TNFSF8: variants seen among roughly 807,000 people sequenced by gnomAD.
TNFSF8 encodes the protein TNF superfamily member 8, also known as tumor necrosis factor ligand superfamily member 8.
Under a neutral mutation model 22.0 loss-of-function variants are expected in TNFSF8, and 4 were observed. The observed-to-expected ratio is 0.18, with a 90% CI of 0.09 to 0.42. The LOEUF is 0.42. Ranked by LOEUF, TNFSF8 falls within the 10% of genes least tolerant of loss-of-function variation. The pLI is 1.00. For missense variants in TNFSF8, 233 were observed against 281.8 expected (o/e 0.83, Z 1.24); for synonymous variants, 106 against 112.5 (o/e 0.94, Z 0.37).
chr9:114,925,333 C>T (rs991057047), intron 1 of TNFSF8, among the ~76,000 whole-genome samples: 2 of 152,188 alleles, frequency 1.3e-5, no homozygotes, highest in African/African-American at 4.8e-5. Flanking sequence ...TGGCCTCCAC[C>T]TGGCAGCCTT....
downstream of TNFSF8, among the ~76,000 whole-genome samples, chr9:114,899,296 A>G (rs1827689892): frequency 6.6e-6 from 1 of 151,766 alleles, no homozygotes; most frequent in Non-Finnish European, 1.5e-5. Context: ...GTGGGTTGTG[A>G]CTTAAGAGAG....
chr9:114,920,191 C>T (rs906201826), intron 1 of TNFSF8, among the ~76,000 whole-genome samples: 1 of 152,204 alleles, frequency 6.6e-6, no homozygotes, highest in African/African-American at 2.4e-5. Flanking sequence ...CAACTTACTG[C>T]CAAGCGTGAC....
intron 4 of TNFSF8, among the ~76,000 whole-genome samples, chr9:114,895,379 C>T (rs1827646236): frequency 2.0e-5 from 3 of 152,176 alleles, no homozygotes; most frequent in African/African-American, 7.2e-5. Context: ...TACTGCATCT[C>T]GCAAACAGTC....
chr9:114,906,051 C>T, intron 2 of TNFSF8, 152 bp from the exon 3 acceptor site: 1 of 564,566 alleles, frequency 1.8e-6, no homozygotes, highest in Non-Finnish European at 3.1e-6. Context: ...TCTCATTTTG[C>T]CATCAGGTAT....
At position 114,929,670 on chromosome 9, in the gene TNFSF8, A is replaced by G. The variant is rs545536558; in HGVS notation, c.195+439T>C. On this transcript the variant is annotated intron_variant, in intron 1 of 3. Transcript: ENST00000223795. ...TGATAACAACTTGTGCAAATGTGTT[A>G]TCAGGTTTCTCTATTGCTTCCTTCC... is the stretch of plus-strand genomic sequence containing the variant. Among the ~76,000 whole-genome samples, 3 of 152,182 alleles carry G rather than the reference A, an allele frequency of 2.0e-5. No homozygotes were observed. In the South Asian group the frequency reaches 6.2e-4, roughly 32 times the overall value.
chr9:114,916,063 A>G (rs1337939934), intron 2 of TNFSF8, among the ~76,000 whole-genome samples: 1 of 152,254 alleles, frequency 6.6e-6, no homozygotes, highest in Non-Finnish European at 1.5e-5. Flanking sequence ...TCAGAGACCA[A>G]TATGAAGTGG....
At chr9:114,922,364 G>T (rs574899832) in intron 1 of TNFSF8, among the ~76,000 whole-genome samples, 78 of 152,226 alleles carry the variant, frequency 5.1e-4, no homozygotes, top group South Asian at 8.3e-4. Flanking sequence ...TTGTAAGGTG[G>T]GCTCTGGCTC....
chr9:114,927,759 A>T (rs1337903104), intron 1 of TNFSF8, among the ~76,000 whole-genome samples: 1 of 152,160 alleles, frequency 6.6e-6, no homozygotes, highest in Admixed American at 6.5e-5. Flanking sequence ...CCCATCACAT[A>T]CAGAGTGCTA....
At chr9:114,912,926 A>G (rs1010289322) in intron 2 of TNFSF8, among the ~76,000 whole-genome samples, 18 of 152,248 alleles carry the variant, frequency 1.2e-4, no homozygotes, top group Admixed American at 4.6e-4. Flanking sequence ...ATAAAATTGC[A>G]AATGTTAGAA....
At chr9:114,899,097 C>T (rs937396171), downstream of TNFSF8, among the ~76,000 whole-genome samples, 6 of 152,182 alleles carry the variant, frequency 3.9e-5, no homozygotes, top group East Asian at 3.8e-4. Context: ...CCTCTGCAAA[C>T]GAAGCTGCAG....
rs138590869 is a variant in TNFSF8, at chr9:114,923,137, T to A, written c.196-4999A>T. On this transcript the variant is annotated intron_variant, in intron 1 of 3. Transcript: ENST00000223795. ...CTTTTTATCATCTAGTTCCGTTTCT[T>A]CTCCTCTGTACAATCTGGACTGACT... 6.1e-3 allele frequency among the ~76,000 whole-genome samples: 931 copies of A among 152,182 alleles called. 9 individuals carry two copies. Among genetic ancestry groups the A allele is most frequent in the African/African-American group, 0.021 (873 of 41,522 alleles).
At chr9:114,926,310 G>T (rs1179441237) in intron 1 of TNFSF8, among the ~76,000 whole-genome samples, 3 of 152,108 alleles carry the variant, frequency 2.0e-5, no homozygotes, top group Non-Finnish European at 4.4e-5. Flanking sequence ...GGCACCTGTA[G>T]TTCCAGCTAC....
At chr9:114,909,475 G>A (rs1827826036) in intron 2 of TNFSF8, among the ~76,000 whole-genome samples, 1 of 152,222 alleles carries the variant, frequency 6.6e-6, no homozygotes, top group Non-Finnish European at 1.5e-5. Context: ...CTGGGCTCTA[G>A]TGTCCCTATT....
Position 114,894,165 on chromosome 9 carries a change from C to A in TNFSF8, c.410-1G>T. On this transcript the variant is annotated splice_acceptor_variant, in intron 4 of 4. Coordinates refer to the TNFSF8 transcript ENST00000618336. LOFTEE classifies it high-confidence loss of function. ...TGGTGGAGGATCATGCCACAGTAAT[C>A]TGGAAGAAAGAATAACTTTACTTTG... The A allele has an allele frequency of 2.0e-6, 3 of 1,534,158 alleles. No individual in the cohort carries two copies. In the South Asian group the frequency reaches 3.6e-5, roughly 18 times the overall value.
chr9:114,907,071 T>C (rs1364182248), intron 2 of TNFSF8, among the ~76,000 whole-genome samples: 1 of 152,208 alleles, frequency 6.6e-6, no homozygotes, highest in Non-Finnish European at 1.5e-5. Context: ...ACCTTTCCCA[T>C]TGCAGTCTCT....
chr9:114,924,499 T>C (rs1249465453), intron 1 of TNFSF8, among the ~76,000 whole-genome samples: 1 of 152,176 alleles, frequency 6.6e-6, no homozygotes, highest in Non-Finnish European at 1.5e-5. Flanking sequence ...CTGAAGTACA[T>C]GTGAGTGAAA....
intron 2 of TNFSF8, among the ~76,000 whole-genome samples, chr9:114,912,070 TAGAC>T: frequency 6.6e-6 from 1 of 152,348 alleles, no homozygotes; most frequent in East Asian, 1.9e-4. Context: ...TTTAGAAAGT[TAGAC>T]AGACTTATGT....
At chr9:114,912,635 C>T (rs771318811) in intron 2 of TNFSF8, among the ~76,000 whole-genome samples, 21 of 152,218 alleles carry the variant, frequency 1.4e-4, no homozygotes, top group African/African-American at 4.6e-4. Context: ...GTGATCCACC[C>T]GCCTCAGCCT....
At chr9:114,913,797 G>T (rs976796217) in intron 2 of TNFSF8, among the ~76,000 whole-genome samples, 1 of 152,166 alleles carries the variant, frequency 6.6e-6, no homozygotes, top group African/African-American at 2.4e-5. Context: ...ATTCCTGGGG[G>T]CTTACTGTGA....
Sources: gnomAD v4.1 joint callset for allele counts (sites outside exome capture counted in the v4.1 genomes callset) on GRCh38, gnomAD v4.1.1 for gene constraint, MANE v1.5 for transcripts, NCBI Gene and HGNC (gene_info 2026-07-23, HGNC 2026-07-21) for gene names.